The following PALLD variants were observed in gnomAD, a reference collection of about 807,000 sequenced individuals.
PALLD encodes the protein palladin, cytoskeletal associated protein.
In PALLD, 61 loss-of-function variants were observed where a neutral mutation model predicts 123.5. The observed-to-expected ratio is 0.49, with a 90% CI of 0.40 to 0.61. The LOEUF (loss-of-function observed/expected upper bound fraction) is 0.61, where lower values mean the gene tolerates loss of function less well. Among genes scored for constraint, PALLD ranks in the 20% least tolerant of loss-of-function variants. The pLI, the probability that PALLD is intolerant of heterozygous loss-of-function variation, is 0.00. For missense variants in PALLD, 1,273 were observed against 1,377.0 expected, an observed-to-expected ratio of 0.92 and a Z score of 1.20; for synonymous variants, 465 against 496.4, an observed-to-expected ratio of 0.94 and a Z score of 0.84.
chr4:168,702,040 T>C (rs577438780), intron 8 of PALLD, among the ~76,000 whole-genome samples: 1 of 152,368 alleles, frequency 6.6e-6, no homozygotes, highest in East Asian at 1.9e-4. Context: ...TGCAGATGAA[T>C]AATTCTCATG....
At chr4:168,641,901 C>T (rs1235974426) in intron 2 of PALLD, among the ~76,000 whole-genome samples, 1 of 152,200 alleles carries the variant, frequency 6.6e-6, no homozygotes, top group Non-Finnish European at 1.5e-5. Context: ...TCTATTGTTC[C>T]TGAAAAACCA....
chr4:168,677,459 G>GA (rs1780975681), intron 3 of PALLD, among the ~76,000 whole-genome samples: 1 of 152,056 alleles, frequency 6.6e-6, no homozygotes, highest in South Asian at 2.1e-4. Flanking sequence ...AAATCAGCTG[G>GA]AAAAAAGTAG....
At chr4:168,499,909 G>A (rs1025833308) in intron 1 of PALLD, among the ~76,000 whole-genome samples, 1 of 149,926 alleles carries the variant, frequency 6.7e-6, no homozygotes, top group Admixed American at 6.7e-5. Context: ...TCGACTCAAA[G>A]TATTTCACAA....
At chr4:168,794,492 A>G (rs1210956906) in intron 10 of PALLD, among the ~76,000 whole-genome samples, 2 of 138,042 alleles carry the variant, frequency 1.4e-5, no homozygotes, top group African/African-American at 5.8e-5. Flanking sequence ...ACACACATGC[A>G]CGCACACACA....
chr4:168,657,807 C>T (rs532780274), intron 2 of PALLD, among the ~76,000 whole-genome samples: 11 of 152,242 alleles, frequency 7.2e-5, no homozygotes, highest in Admixed American at 7.2e-4. Flanking sequence ...AGTGGAAAGC[C>T]CATTTGCATA....
chr4:168,771,928 G>C (rs1389834988), intron 10 of PALLD, among the ~76,000 whole-genome samples: 2 of 152,196 alleles, frequency 1.3e-5, no homozygotes, highest in African/African-American at 4.8e-5. Context: ...TAGGAGATAA[G>C]AGGGGTAGTA....
intron 2 of PALLD, among the ~76,000 whole-genome samples, chr4:168,600,422 A>G (rs969322624): frequency 1.3e-5 from 2 of 152,182 alleles, no homozygotes; most frequent in Non-Finnish European, 2.9e-5. Flanking sequence ...TGCTGCTCAA[A>G]TCAATTTCTA....
intron 2 of PALLD, chr4:168,631,642 T>G: frequency 1.0e-6 from 1 of 985,472 alleles, no homozygotes. Context: ...ACCGGCGGCC[T>G]CTCACCGAGC....
intron 10 of PALLD, among the ~76,000 whole-genome samples, chr4:168,861,678 A>AT (rs529589171): frequency 5.3e-5 from 8 of 150,830 alleles, no homozygotes; most frequent in South Asian, 4.2e-4. Flanking sequence ...ATTTTTTTTT[A>AT]TTTTTTTAGA....
Position 168,511,964 on chromosome 4 carries a change from C to A in PALLD, c.460C>A (p.Pro154Thr), listed in dbSNP as rs148111638. 8.7e-6 allele frequency: 14 copies of A among 1,614,052 alleles called. No homozygotes were observed. Among genetic ancestry groups the A allele is most frequent in the African/African-American group, 2.7e-5 (2 of 74,924 alleles). Reference protein sequence around the residue: ...GAKTPSTNVKPKTPHQRKGGP... With the variant: ...GAKTPSTNVKTKTPHQRKGGP... The stretch of plus-strand genomic sequence containing the variant: ...AAAAACTCCCAGCACAAACGTAAAG[C>A]CCAAAACGCCACATCAAAGAAAGGG... Residue 154 changes from proline (P) to threonine (T), a missense_variant, in exon 2 of 22, where the codon CCC becomes ACC. By Grantham distance (38) the Pro-to-Thr change is conservative. Coordinates refer to ENST00000505667, the MANE Select transcript of PALLD (RefSeq NM_001166108.2).
At chr4:168,710,745 A>G (rs1486523211) in intron 9 of PALLD, among the ~76,000 whole-genome samples, 1 of 152,234 alleles carries the variant, frequency 6.6e-6, no homozygotes, top group Non-Finnish European at 1.5e-5. Context: ...TGGCTTCAAC[A>G]CTGTCCCATC....
At chr4:168,705,991 T>C (rs1428756513) in intron 8 of PALLD, among the ~76,000 whole-genome samples, 2 of 152,236 alleles carry the variant, frequency 1.3e-5, no homozygotes, top group Non-Finnish European at 2.9e-5. Flanking sequence ...TCATTGCCCT[T>C]TACTTTTTTT....
intron 2 of PALLD, among the ~76,000 whole-genome samples, chr4:168,549,152 T>C (rs945058349): frequency 2.0e-5 from 3 of 152,230 alleles, no homozygotes; most frequent in African/African-American, 7.2e-5. Context: ...ACTTACTCTC[T>C]ATAAATATTT....
intron 10 of PALLD, among the ~76,000 whole-genome samples, chr4:168,815,659 G>A (rs1449172560): frequency 6.6e-6 from 1 of 152,238 alleles, no homozygotes; most frequent in East Asian, 1.9e-4. Context: ...TCTGATCAAA[G>A]TGGAAACTAT....
At chr4:168,853,199 T>C (rs1440991601) in intron 10 of PALLD, among the ~76,000 whole-genome samples, 1 of 152,204 alleles carries the variant, frequency 6.6e-6, no homozygotes, top group Non-Finnish European at 1.5e-5. Flanking sequence ...CCAGCATAAT[T>C]ACTAGCTTTT....
chr4:168,665,870 G>T (rs1229478888), intron 2 of PALLD, among the ~76,000 whole-genome samples: 1 of 152,016 alleles, frequency 6.6e-6, no homozygotes, highest in Non-Finnish European at 1.5e-5. Context: ...TTGGGGCTTT[G>T]AGGGCCATAT....
chr4:168,754,369 A>G (rs969090219), intron 10 of PALLD, among the ~76,000 whole-genome samples: 6 of 152,174 alleles, frequency 3.9e-5, no homozygotes, highest in African/African-American at 1.2e-4. Flanking sequence ...GGTTTATTTC[A>G]TGCCTAGGGT....
chr4:168,880,318 G>A (rs544637718), intron 10 of PALLD, among the ~76,000 whole-genome samples: 43 of 152,260 alleles, frequency 2.8e-4, no homozygotes, highest in Non-Finnish European at 4.4e-4. Flanking sequence ...AAAATTAATG[G>A]AGAAGTCGTG....
In PALLD at chr4:168,927,590, A is replaced by G. The variant is rs1327536279; in HGVS notation, c.*1410A>G. ...AGAGACAAAAACAGGTTTGTGCCAT[A>G]AAGTATTTTTTCAAAGACACCAAGA... On this transcript the variant is annotated 3_prime_UTR_variant, in exon 22 of 22. Coordinates refer to ENST00000505667, the MANE Select transcript of PALLD (RefSeq NM_001166108.2). The G allele has an allele frequency of 8.7e-6, 2 of 229,492 alleles. No homozygotes were observed. The highest frequency in any genetic ancestry group is 4.4e-5 in the African/African-American group (2 of 45,142). 14.2% of individuals were successfully genotyped at this position (229,492 alleles called of 1,614,324 possible).
Sources: gnomAD v4.1 joint callset for allele counts (sites outside exome capture counted in the v4.1 genomes callset) on GRCh38, gnomAD v4.1.1 for gene constraint, MANE v1.5 for transcripts, NCBI Gene and HGNC (gene_info 2026-07-23, HGNC 2026-07-21) for gene names.